Variants in EPB41L4A observed in about 807,000 individuals in gnomAD.
EPB41L4A encodes the protein erythrocyte membrane protein band 4.1 like 4A, also known as band 4.1-like protein 4A.
EPB41L4A carries 100 observed loss-of-function variants against 108.6 expected under a neutral mutation model. The ratio of observed to expected loss-of-function variants is 0.92; its 90% CI spans 0.78 to 1.09. The LOEUF is 1.09. Among genes scored for constraint, EPB41L4A ranks in the 50% least tolerant of loss-of-function variants. EPB41L4A has a pLI of 0.00. For synonymous variants in EPB41L4A, 319 were observed against 289.0 expected (o/e 1.10, Z -1.05); for missense variants, 1,030 against 842.7 (o/e 1.22, Z -2.75).
At chr5:112,368,490 A>G (rs1375174864) in intron 1 of EPB41L4A, among the ~76,000 whole-genome samples, 3 of 152,076 alleles carry the variant, frequency 2.0e-5, no homozygotes, top group Admixed American at 6.5e-5. Context: ...AGGTCCCTAT[A>G]TAAGTCTTTC....
chr5:112,346,140 C>T (rs938530170), intron 1 of EPB41L4A, among the ~76,000 whole-genome samples: 3 of 145,826 alleles, frequency 2.1e-5, no homozygotes, highest in African/African-American at 7.5e-5. Flanking sequence ...CATTTATTCA[C>T]AAAGATATAA....
At chr5:112,326,086 G>T (rs1435569085) in intron 1 of EPB41L4A, among the ~76,000 whole-genome samples, 1 of 152,066 alleles carries the variant, frequency 6.6e-6, no homozygotes, top group Non-Finnish European at 1.5e-5. Flanking sequence ...GGAGTTCAAG[G>T]CTAGAGTAAG....
chr5:112,389,373 C>G (rs759031588), intron 1 of EPB41L4A, among the ~76,000 whole-genome samples: 1 of 152,160 alleles, frequency 6.6e-6, no homozygotes, highest in Non-Finnish European at 1.5e-5. Context: ...ACTGAAAAAT[C>G]AAAACAGACT....
chr5:112,254,396 A>C (rs1750918789), intron 9 of EPB41L4A, among the ~76,000 whole-genome samples: 1 of 150,872 alleles, frequency 6.6e-6, no homozygotes. Flanking sequence ...CACATCTCCT[A>C]CTCTGTCTGC....
chr5:112,308,448 T>G (rs1754835731), intron 1 of EPB41L4A, among the ~76,000 whole-genome samples: 1 of 152,218 alleles, frequency 6.6e-6, no homozygotes, highest in African/African-American at 2.4e-5. Flanking sequence ...TTAAATGTAT[T>G]ATAAAATGGG....
chr5:112,410,641 T>G (rs888302998), intron 1 of EPB41L4A, among the ~76,000 whole-genome samples: 4 of 152,036 alleles, frequency 2.6e-5, no homozygotes, highest in African/African-American at 9.7e-5. Flanking sequence ...CCCTCCCCCA[T>G]GTAGCCACTG....
At chr5:112,232,717 AATTTC>A (rs1026779495) in intron 12 of EPB41L4A, among the ~76,000 whole-genome samples, 69 of 152,252 alleles carry the variant, frequency 4.5e-4, no homozygotes, top group African/African-American at 1.5e-3. Flanking sequence ...TGTTACTAAA[AATTTC>A]ATTTACTTCC....
At chr5:112,159,142 G>A (rs1759756275), downstream of EPB41L4A, among the ~76,000 whole-genome samples, 2 of 151,654 alleles carry the variant, frequency 1.3e-5, no homozygotes, top group African/African-American at 4.9e-5. Context: ...CTTGTGTGAT[G>A]ACCACTGGGC....
At chr5:112,233,157 A>C (rs1038020495) in intron 12 of EPB41L4A, among the ~76,000 whole-genome samples, 1 of 152,244 alleles carries the variant, frequency 6.6e-6, no homozygotes, top group Non-Finnish European at 1.5e-5. Context: ...CACTGTATAT[A>C]ATGTTGGCAG....
At chr5:112,282,307 G>C (rs1305100923) in intron 2 of EPB41L4A, among the ~76,000 whole-genome samples, 1 of 152,180 alleles carries the variant, frequency 6.6e-6, no homozygotes, top group Non-Finnish European at 1.5e-5. Context: ...GGAAACATGA[G>C]GTGAGGGGAC....
intron 2 of EPB41L4A, among the ~76,000 whole-genome samples, chr5:112,298,453 T>C (rs754060618): frequency 8.5e-5 from 13 of 152,232 alleles, no homozygotes; most frequent in Non-Finnish European, 1.6e-4. Context: ...CATGTGATTT[T>C]TGTTTTTAAT....
At chr5:112,310,555 A>C (rs1352872922) in intron 1 of EPB41L4A, among the ~76,000 whole-genome samples, 1 of 152,132 alleles carries the variant, frequency 6.6e-6, no homozygotes, top group East Asian at 1.9e-4. Context: ...TGGTTCCTTC[A>C]ATTCTGCTTT....
intron 17 of EPB41L4A, among the ~76,000 whole-genome samples, chr5:112,189,395 T>G (rs935345695): frequency 1.3e-5 from 2 of 152,224 alleles, no homozygotes; most frequent in African/African-American, 2.4e-5. Context: ...ATTCACAGGA[T>G]AAAGTAACCA....
intron 12 of EPB41L4A, among the ~76,000 whole-genome samples, chr5:112,215,497 TCACGCCTGTAATCCCAG>T (rs2150323320): frequency 6.6e-6 from 1 of 152,230 alleles, no homozygotes; most frequent in Non-Finnish European, 1.5e-5. Context: ...GCGCGGTGGC[TCACGCCTGTAATCCCAG>T]CACTTTGGGA....
At chr5:112,286,540 T>C (rs567061629) in intron 2 of EPB41L4A, among the ~76,000 whole-genome samples, 4 of 152,162 alleles carry the variant, frequency 2.6e-5, no homozygotes, top group Non-Finnish European at 1.5e-5. Context: ...TCACTGAAAA[T>C]GGAAACAATC....
chr5:112,310,514 T>C (rs909810291), intron 1 of EPB41L4A, among the ~76,000 whole-genome samples: 2 of 152,232 alleles, frequency 1.3e-5, no homozygotes, highest in Non-Finnish European at 2.9e-5. Flanking sequence ...GGCTTGTGTA[T>C]GGCCCGAACG....
intron 1 of EPB41L4A, among the ~76,000 whole-genome samples, chr5:112,360,767 G>A (rs1042995103): frequency 6.6e-6 from 1 of 151,958 alleles, no homozygotes; most frequent in African/African-American, 2.4e-5. Flanking sequence ...CTTCCCGGTC[G>A]TCATCCCGTC....
chr5:112,415,855 G>C (rs1762683939), intron 1 of EPB41L4A, among the ~76,000 whole-genome samples: 2 of 152,102 alleles, frequency 1.3e-5, no homozygotes, highest in South Asian at 4.1e-4. Flanking sequence ...TTCAAACTGT[G>C]AACTGCATGA....
intron 1 of EPB41L4A, among the ~76,000 whole-genome samples, chr5:112,341,487 T>A (rs1465689041): frequency 6.6e-6 from 1 of 152,206 alleles, no homozygotes; most frequent in Non-Finnish European, 1.5e-5. Context: ...AACTGTCAAC[T>A]GAAATATCAC....
Sources: allele counts gnomAD v4.1 joint callset (sites outside exome capture counted in the v4.1 genomes callset), GRCh38; gene constraint gnomAD v4.1.1; transcripts MANE v1.5; gene names NCBI Gene and HGNC (gene_info 2026-07-23, HGNC 2026-07-21).